Variants in MARCHF10 observed in about 807,000 individuals in gnomAD.
MARCHF10 encodes membrane associated ring-CH-type finger 10, also known as probable E3 ubiquitin-protein ligase MARCHF10.
A neutral mutation model predicts 76.2 loss-of-function variants in MARCHF10; 64 were observed. The observed-to-expected ratio is 0.84, with a 90% CI of 0.69 to 1.03. The LOEUF (loss-of-function observed/expected upper bound fraction) is 1.03. MARCHF10 is among the 50% of genes least tolerant of loss of function. The pLI, the probability that MARCHF10 is intolerant of heterozygous loss-of-function variation, is 0.00. For missense variants in MARCHF10, 875 were observed against 958.0 expected, an observed-to-expected ratio of 0.91 and a Z score of 1.14; for synonymous variants, 340 against 357.5, an observed-to-expected ratio of 0.95 and a Z score of 0.55.
intron 4 of MARCHF10, among the ~76,000 whole-genome samples, chr17:62,757,274 G>A (rs1394812893): frequency 6.6e-6 from 1 of 152,156 alleles, no homozygotes; most frequent in African/African-American, 2.4e-5. Flanking sequence ...TGACATGGAA[G>A]AAGTTTTGAT....
At chr17:62,706,926 TG>T (rs1386831819) in intron 9 of MARCHF10, among the ~76,000 whole-genome samples, 1 of 152,052 alleles carries the variant, frequency 6.6e-6, no homozygotes, top group Non-Finnish European at 1.5e-5. Context: ...ACCTCAAAGG[TG>T]GGGTAAAGTG....
At chr17:62,719,798 G>A (rs555669497) in intron 8 of MARCHF10, among the ~76,000 whole-genome samples, 1 of 152,118 alleles carries the variant, frequency 6.6e-6, no homozygotes, top group African/African-American at 2.4e-5. Flanking sequence ...CCCATGATGT[G>A]TCTATTACAC....
chr17:62,727,246 G>C (rs2090800416), intron 6 of MARCHF10, among the ~76,000 whole-genome samples: 2 of 152,156 alleles, frequency 1.3e-5, no homozygotes, highest in South Asian at 2.1e-4. Flanking sequence ...TATAGGTGGG[G>C]ATCCACTGGC....
chr17:62,732,787 G>A (rs983042338), intron 6 of MARCHF10, among the ~76,000 whole-genome samples: 2 of 152,108 alleles, frequency 1.3e-5, no homozygotes, highest in African/African-American at 4.8e-5. Flanking sequence ...GAGGTCAGGA[G>A]TTTGAGACCA....
intron 4 of MARCHF10, among the ~76,000 whole-genome samples, chr17:62,756,137 A>T (rs1289560050): frequency 6.6e-6 from 1 of 152,100 alleles, no homozygotes; most frequent in African/African-American, 2.4e-5. Context: ...AATCCCAGCT[A>T]CTCGGGAGGC....
chr17:62,750,251 A>T (rs2091851086), intron 4 of MARCHF10: 1 of 153,478 alleles, frequency 6.5e-6, no homozygotes, highest in South Asian at 2.1e-4. Flanking sequence ...AAGGCACAGC[A>T]CAGGGGTCTC....
rs138680582 is a variant in MARCHF10, at chr17:62,775,507, CG to C, written c.210+12972del. On this transcript the variant is annotated intron_variant, in intron 3 of 10. Coordinates refer to ENST00000311269, the MANE Select transcript of MARCHF10 (RefSeq NM_152598.4). ...TAGTTTACCAACACTGTCAGCCACT[CG>C]GGGGGGGGCGTGGCTTATTAATTAC... is the stretch of plus-strand genomic sequence containing the variant. Among the ~76,000 whole-genome samples the C allele has an allele frequency of 7.7e-3, 1,129 of 146,776 alleles. 12 individuals are homozygous for C. The highest frequency in any genetic ancestry group is 0.026 in the African/African-American group (1,000 of 39,054).
At chr17:62,726,871 C>T (rs1372709553) in intron 6 of MARCHF10, among the ~76,000 whole-genome samples, 1 of 152,078 alleles carries the variant, frequency 6.6e-6, no homozygotes, top group Non-Finnish European at 1.5e-5. Flanking sequence ...TCAGGTGATC[C>T]GCCTGCCTTG....
At chr17:62,724,790 A>G in intron 7 of MARCHF10, 148 bp downstream of exon 7, 1 of 801,386 alleles carries the variant, frequency 1.2e-6, no homozygotes, top group Non-Finnish European at 2.0e-6. Flanking sequence ...AGCTTTTATG[A>G]GCAAGGATCT....
intron 4 of MARCHF10, among the ~76,000 whole-genome samples, chr17:62,757,175 C>A (rs2147935566): frequency 6.6e-6 from 1 of 152,086 alleles, no homozygotes; most frequent in South Asian, 2.1e-4. Context: ...GGAAGTTATA[C>A]CAGATTCTAC....
At chr17:62,721,875 C>T (rs930372948) in intron 8 of MARCHF10, among the ~76,000 whole-genome samples, 10 of 152,172 alleles carry the variant, frequency 6.6e-5, no homozygotes, top group Admixed American at 3.3e-4. Context: ...CTTCTGCAAA[C>T]GTGGGTGTGG....
intron 2 of MARCHF10, among the ~76,000 whole-genome samples, chr17:62,790,797 C>T (rs2092829170): frequency 6.6e-6 from 1 of 152,182 alleles, no homozygotes; most frequent in African/African-American, 2.4e-5. Context: ...ACTAACAAAA[C>T]ATTTACTCCT....
chr17:62,775,219 G>T (rs74623116), intron 3 of MARCHF10, among the ~76,000 whole-genome samples: 1 of 148,854 alleles, frequency 6.7e-6, no homozygotes, highest in East Asian at 2.0e-4. Flanking sequence ...TCTGCCTCTC[G>T]GGTTCAGGCA....
chr17:62,766,416 C>T (rs1168068765), intron 3 of MARCHF10, among the ~76,000 whole-genome samples: 1 of 152,024 alleles, frequency 6.6e-6, no homozygotes, highest in Non-Finnish European at 1.5e-5. Context: ...AGGAGAATCA[C>T]TTGAACCTGG....
At chr17:62,731,095 T>C (rs1261946891) in intron 6 of MARCHF10, among the ~76,000 whole-genome samples, 1 of 152,136 alleles carries the variant, frequency 6.6e-6, no homozygotes, top group East Asian at 1.9e-4. Context: ...TGAGTGAGCA[T>C]TGGAGTTTCT....
intron 4 of MARCHF10, among the ~76,000 whole-genome samples, chr17:62,748,847 A>C (rs190599968): frequency 2.6e-5 from 4 of 152,290 alleles, no homozygotes; most frequent in Non-Finnish European, 4.4e-5. Context: ...ATGGGTCTTT[A>C]CCATGTCCAT....
Position 62,784,963 on chromosome 17 carries a change from T to C in MARCHF10, c.210+3517A>G, listed in dbSNP as rs1291327174. ...TGGCCATATTGCCCAAGGTAATTTA[T>C]AGATTCAATGCCATCCCCATCAAGC... is the stretch of plus-strand genomic sequence containing the variant. On this transcript the variant is annotated intron_variant, in intron 3 of 10. Transcript: ENST00000311269. Among the ~76,000 whole-genome samples, 5 of 152,170 alleles carry C rather than the reference T, an allele frequency of 3.3e-5. No individual in the cohort carries two copies. In the South Asian group the frequency reaches 8.3e-4, roughly 25 times the overall value.
rs139121854 is a variant in MARCHF10 at position 62,728,983 on chromosome 17, C to T, written c.1938-3879G>A. On this transcript the variant is annotated intron_variant, in intron 6 of 10. Transcript: ENST00000311269. ...AGGGGTCTCACTCTATTGTCCAGGC[C>T]GGAGTGCAGTGGCAAGATCTTGGCT... Among the ~76,000 whole-genome samples, 13 of 152,208 alleles carry T rather than the reference C, an allele frequency of 8.5e-5. No homozygotes were observed. In the East Asian group the frequency reaches 1.2e-3, roughly 14 times the overall value.
At chr17:62,749,562 A>T (rs1033784157) in intron 4 of MARCHF10, among the ~76,000 whole-genome samples, 4 of 152,234 alleles carry the variant, frequency 2.6e-5, no homozygotes, top group African/African-American at 9.6e-5. Flanking sequence ...CACAAATAAT[A>T]GGTCGCGTCT....
Sources: allele counts gnomAD v4.1 joint callset (sites outside exome capture counted in the v4.1 genomes callset), GRCh38; gene constraint gnomAD v4.1.1; transcripts MANE v1.5; gene names NCBI Gene and HGNC (gene_info 2026-07-23, HGNC 2026-07-21).